The following RYR3 variants were observed in gnomAD, a reference collection of about 807,000 sequenced individuals.
RYR3 encodes ryanodine receptor 3.
RYR3 carries 207 observed loss-of-function variants against 584.3 expected under a neutral mutation model. The observed-to-expected ratio is 0.35, with a 90% CI of 0.32 to 0.40. RYR3 has a LOEUF of 0.40. RYR3 is among the 10% of genes least tolerant of loss of function. The pLI is 1.00. For synonymous variants in RYR3, 2,416 were observed against 2,248.5 expected, an observed-to-expected ratio of 1.07 and a Z score of -2.11; for missense variants, 5,616 against 6,089.2, an observed-to-expected ratio of 0.92 and a Z score of 2.59.
At chr15:33,692,499 A>T (rs2065504660) in intron 38 of RYR3, among the ~76,000 whole-genome samples, 1 of 152,060 alleles carries the variant, frequency 6.6e-6, no homozygotes, top group African/African-American at 2.4e-5. Flanking sequence ...TTGGTCTCAC[A>T]ATTTGAAACA....
rs930696399 is a variant in RYR3 at position 33,694,495 on chromosome 15, C to T, written c.5861-1723C>T. On this transcript the variant is annotated intron_variant, in intron 38 of 103. Transcript: ENST00000634891. ...TCCTGACCTCGTGATCCACCCACCT[C>T]GGCCTCCCAAAGTGCTGGGATTACA... Among the ~76,000 whole-genome samples, 6 of 152,164 alleles carry T rather than the reference C, an allele frequency of 3.9e-5. No homozygotes were observed. The East Asian group carries it at 9.6e-4, about 24-fold the overall frequency.
chr15:33,501,062 G>T (rs1413931951), intron 2 of RYR3, among the ~76,000 whole-genome samples: 1 of 152,128 alleles, frequency 6.6e-6, no homozygotes, highest in African/African-American at 2.4e-5. Context: ...AAACTAAGCT[G>T]CCAGGAAACT....
intron 16 of RYR3, among the ~76,000 whole-genome samples, chr15:33,595,317 A>G (rs1437132792): frequency 6.6e-6 from 1 of 152,204 alleles, no homozygotes; most frequent in Non-Finnish European, 1.5e-5. Flanking sequence ...ACTTTTATAA[A>G]CAATTTATAA....
chr15:33,844,457 T>C (rs1161157791), intron 92 of RYR3, among the ~76,000 whole-genome samples: 1 of 152,114 alleles, frequency 6.6e-6, no homozygotes, highest in Non-Finnish European at 1.5e-5. Context: ...GAATGGAAAA[T>C]ACTGAGTCTC....
intron 93 of RYR3, among the ~76,000 whole-genome samples, chr15:33,846,121 T>A (rs181555820): frequency 2.0e-5 from 3 of 152,334 alleles, no homozygotes; most frequent in Admixed American, 2.0e-4. Flanking sequence ...TCAGAGCATC[T>A]CCTTCTCCAC....
At position 33,722,874 on chromosome 15, in the gene RYR3, C is replaced by T; in HGVS notation, c.6779C>T (p.Ser2260Phe). Residue 2260 changes from serine (S) to phenylalanine (F), a missense_variant, in exon 44 of 104, where the codon TCT becomes TTT. By Grantham distance (155) the Ser-to-Phe change is radical. Transcript: ENST00000634891. ...GAGAACCCAGCGCTCGACCTCCCCT[C>T]TCAAGGATACAAAAGAGAAGTGTAA... Reference protein sequence around the residue: ...ISENPALDLPSQGYKREVSTG... With the variant: ...ISENPALDLPFQGYKREVSTG... The T allele has an allele frequency of 6.3e-7, 1 of 1,585,884 alleles. No individual in the cohort carries two copies. The highest frequency in any genetic ancestry group is 8.6e-7 in the Non-Finnish European group (1 of 1,168,912).
chr15:33,509,309 C>G (rs78316148), intron 3 of RYR3, among the ~76,000 whole-genome samples: 15,324 of 152,248 alleles, frequency 0.1, 999 homozygotes, highest in East Asian at 0.29. Context: ...AGGATCCTTA[C>G]TTCTTTCTTC....
chr15:33,540,080 C>T (rs2055688054), intron 6 of RYR3, among the ~76,000 whole-genome samples: 1 of 152,068 alleles, frequency 6.6e-6, no homozygotes, highest in Admixed American at 6.6e-5. Flanking sequence ...CGGAACTAAC[C>T]TGTTATTCTT....
intron 1 of RYR3, among the ~76,000 whole-genome samples, chr15:33,376,632 A>G (rs1433343629): frequency 6.6e-6 from 1 of 152,236 alleles, no homozygotes; most frequent in Non-Finnish European, 1.5e-5. Context: ...CAACACTTGC[A>G]GCGGCGGGAA....
At chr15:33,864,525 C>T (rs182986327) in intron 103 of RYR3, among the ~76,000 whole-genome samples, 6 of 152,168 alleles carry the variant, frequency 3.9e-5, no homozygotes, top group African/African-American at 7.2e-5. Context: ...CAGAGTACAA[C>T]GGAGTGAGAG....
intron 1 of RYR3, among the ~76,000 whole-genome samples, chr15:33,353,984 AT>A (rs1198386165): frequency 9.9e-5 from 15 of 152,194 alleles, no homozygotes; most frequent in Admixed American, 2.6e-4. Flanking sequence ...CAGATTGGAC[AT>A]TGATTTATCT....
At chr15:33,516,885 T>TA (rs538847139) in intron 3 of RYR3, among the ~76,000 whole-genome samples, 3,295 of 149,880 alleles carry the variant, frequency 0.022, 57 homozygotes, top group Middle Eastern at 0.041. Flanking sequence ...CAGAATGGCT[T>TA]AAAAAAAAAA....
intron 1 of RYR3, among the ~76,000 whole-genome samples, chr15:33,435,152 GGTTT>G (rs199829686): frequency 0.041 from 6,250 of 152,110 alleles, 374 homozygotes; most frequent in African/African-American, 0.14. Flanking sequence ...TACATGTGCA[GGTTT>G]GTTATTATAG....
At chr15:33,372,686 A>G (rs373905203) in intron 1 of RYR3, among the ~76,000 whole-genome samples, 1 of 151,578 alleles carries the variant, frequency 6.6e-6, no homozygotes. Context: ...TTTGTATTTT[A>G]GTAGAGATGG....
At chr15:33,528,882 A>C (rs756320602) in intron 3 of RYR3, among the ~76,000 whole-genome samples, 4 of 152,180 alleles carry the variant, frequency 2.6e-5, no homozygotes, top group Non-Finnish European at 5.9e-5. Context: ...TTATGATTAG[A>C]GAGTTGGTAG....
At chr15:33,375,987 C>T (rs1019128424) in intron 1 of RYR3, among the ~76,000 whole-genome samples, 6 of 152,250 alleles carry the variant, frequency 3.9e-5, no homozygotes, top group Admixed American at 1.3e-4. Flanking sequence ...TGGCGTGAAC[C>T]CGGGAGGCGG....
chr15:33,715,081 T>A (rs1200004404), intron 43 of RYR3, among the ~76,000 whole-genome samples: 1 of 152,172 alleles, frequency 6.6e-6, no homozygotes, highest in Non-Finnish European at 1.5e-5. Flanking sequence ...TTTAACAAAG[T>A]CCTAAAGGGA....
chr15:33,444,483 C>G (rs2046465818), intron 1 of RYR3, among the ~76,000 whole-genome samples: 1 of 152,150 alleles, frequency 6.6e-6, no homozygotes, highest in African/African-American at 2.4e-5. Context: ...GTGCACATAA[C>G]TTAGCGCTAG....
intron 76 of RYR3, among the ~76,000 whole-genome samples, chr15:33,819,416 A>C (rs1391933487): frequency 6.6e-6 from 1 of 152,160 alleles, no homozygotes. Flanking sequence ...TCATGCCTGT[A>C]ATTCCAGCAT....
Sources: allele counts gnomAD v4.1 joint callset (sites outside exome capture counted in the v4.1 genomes callset), GRCh38; gene constraint gnomAD v4.1.1; transcripts MANE v1.5; gene names NCBI Gene and HGNC (gene_info 2026-07-23, HGNC 2026-07-21).